CNTFR: variants seen among roughly 807,000 people sequenced by gnomAD.
The protein encoded by CNTFR is ciliary neurotrophic factor receptor subunit alpha.
Under a neutral mutation model 40.4 loss-of-function variants are expected in CNTFR, and 12 were observed. That is an observed-to-expected ratio of 0.30 (90% CI 0.19 to 0.48). The LOEUF (loss-of-function observed/expected upper bound fraction) is 0.48. Ranked by LOEUF, CNTFR falls within the 20% of genes least tolerant of loss-of-function variation. CNTFR has a pLI of 0.99. For synonymous variants in CNTFR, 202 were observed against 209.6 expected, an observed-to-expected ratio of 0.96 and a Z score of 0.31; for missense variants, 414 against 506.8, an observed-to-expected ratio of 0.82 and a Z score of 1.76.
intron 7 of CNTFR, among the ~76,000 whole-genome samples, chr9:34,554,523 C>T (rs1028516237): frequency 1.6e-4 from 25 of 152,168 alleles, no homozygotes; most frequent in African/African-American, 6.0e-4. Context: ...GGCAGGAACT[C>T]CCTAGTCACT....
At chr9:34,553,065 TC>T (rs1181354871) in intron 7 of CNTFR, among the ~76,000 whole-genome samples, 1 of 152,118 alleles carries the variant, frequency 6.6e-6, no homozygotes, top group Non-Finnish European at 1.5e-5. Flanking sequence ...AGGGGAGTTG[TC>T]CCTGAAGGAG....
intron 2 of CNTFR, among the ~76,000 whole-genome samples, chr9:34,573,949 G>C (rs1208250623): frequency 6.6e-6 from 1 of 152,262 alleles, no homozygotes; most frequent in African/African-American, 2.4e-5. Context: ...CAAGGACATG[G>C]TGGGCAGGGA....
chr9:34,588,522 T>TA (rs1827632538), intron 1 of CNTFR, among the ~76,000 whole-genome samples: 1 of 152,138 alleles, frequency 6.6e-6, no homozygotes, highest in African/African-American at 2.4e-5. Context: ...CAACTAGTGT[T>TA]AGAGACACAC....
chr9:34,551,732 G>A lies in CNTFR; in HGVS notation c.*339C>T. On this transcript the variant is annotated 3_prime_UTR_variant, in exon 10 of 10. Transcript: ENST00000378980. ...GGATAGACAGGAGGCTGGGGCAGGA[G>A]GAGAAATCGGATGTGAGAGGCTCCC... is the stretch of plus-strand genomic sequence containing the variant. 1.9e-6 allele frequency: 1 copy of A among 517,608 alleles called. No individual in the cohort carries two copies. Among genetic ancestry groups the A allele is most frequent in the Non-Finnish European group, 3.5e-6 (1 of 286,056 alleles). The allele number at this position is 517,608 out of a possible 1,614,324, so 32.1% of individuals were successfully genotyped here. A position where few individuals can be genotyped will look rare whatever the true frequency, so the allele number is the denominator to read the frequency against.
rs1424275980 is a variant in CNTFR at position 34,589,463 on chromosome 9, T to G, written c.-112+92A>C. On this transcript the variant is annotated intron_variant, in intron 1 of 9. Coordinates refer to ENST00000378980, the MANE Select transcript of CNTFR (RefSeq NM_147164.3). This position sits in a 1 kb window ranked among gnomAD's most constrained non-coding sequence, Gnocchi z 4.4. The stretch of plus-strand genomic sequence containing the variant: ...CGTCCGTGGGCCCACGGGTGTCCCC[T>G]CACTCTTCCCGCACGCATGAGGGCC... 3.3e-5 allele frequency: 5 copies of G among 150,474 alleles called. No individual in the cohort carries two copies. The highest frequency in any genetic ancestry group is 1.2e-4 in the African/African-American group (5 of 40,794). The allele number at this position is 150,474 out of a possible 1,614,324, so 9.3% of individuals were successfully genotyped here.
At chr9:34,572,717 T>C (rs1040234671) in intron 2 of CNTFR, among the ~76,000 whole-genome samples, 4 of 152,112 alleles carry the variant, frequency 2.6e-5, no homozygotes, top group Admixed American at 2.0e-4. Context: ...ACAACACCCA[T>C]TGAAAATGAC....
chr9:34,559,172 G>A (rs1030064013), intron 4 of CNTFR, among the ~76,000 whole-genome samples: 1 of 152,186 alleles, frequency 6.6e-6, no homozygotes, highest in Non-Finnish European at 1.5e-5. Context: ...GAAGGGGAGT[G>A]CATGTCTATG....
chr9:34,555,150 G>A (rs1825784091), intron 7 of CNTFR, among the ~76,000 whole-genome samples: 1 of 152,236 alleles, frequency 6.6e-6, no homozygotes, highest in African/African-American at 2.4e-5. Flanking sequence ...GCGGGGGAGG[G>A]GGGCTTGTGA....
intron 2 of CNTFR, among the ~76,000 whole-genome samples, chr9:34,578,804 G>T (rs183181001): frequency 1.3e-5 from 2 of 152,198 alleles, no homozygotes; most frequent in African/African-American, 4.8e-5. Flanking sequence ...TTCCAGTGCT[G>T]GGAATTTGGG....
Position 34,564,725 on chromosome 9 carries a change from C to G in CNTFR, c.193G>C (p.Ala65Pro). The G allele has an allele frequency of 6.2e-7, 1 of 1,614,084 alleles. No individual in the cohort carries two copies. Among genetic ancestry groups the G allele is most frequent in the Middle Eastern group, 1.7e-4 (1 of 6,058 alleles). ...VTWRVNGTDL[A>P]PDLLNGSQLV... ...TGAGAGCCGTTGAGCAGGTCAGGGG[C>G]CAGGTCTGTCCCATTTACCCGCCAC... The change falls in exon 4 of 10, where the codon GCC (alanine) becomes CCC (proline). Residue 65 changes from alanine to proline, a missense_variant. Physicochemically the swap from Ala to Pro is conservative, Grantham distance 27. Coordinates refer to ENST00000378980, the MANE Select transcript of CNTFR (RefSeq NM_147164.3).
At chr9:34,583,201 C>T (rs1235128715) in intron 1 of CNTFR, among the ~76,000 whole-genome samples, 1 of 152,148 alleles carries the variant, frequency 6.6e-6, no homozygotes, top group Non-Finnish European at 1.5e-5. Flanking sequence ...TGGAGGAGGC[C>T]ATACTCCCAA....
intron 1 of CNTFR, chr9:34,582,974 T>G (rs1172901345): frequency 6.6e-6 from 1 of 152,250 alleles, no homozygotes; most frequent in Admixed American, 6.5e-5. Context: ...GTGCGTATTG[T>G]GGGGGGAGCA....
At chr9:34,582,276 C>CAAAAAAAAAAAAAAAAAAAAAAAAA (rs10601840) in intron 1 of CNTFR, 1 of 126,538 alleles carries the variant, frequency 7.9e-6, no homozygotes, top group African/African-American at 3.1e-5. Flanking sequence ...AACCCTATGG[C>CAAAAAAAAAAAAAAAAAAAAAAAAA]AAAAAAAAAA....
intron 7 of CNTFR, among the ~76,000 whole-genome samples, chr9:34,553,395 C>G (rs1473846212): frequency 6.6e-6 from 1 of 152,170 alleles, no homozygotes; most frequent in Non-Finnish European, 1.5e-5. Context: ...CCTTGCCATC[C>G]TCATCTGTAA....
chr9:34,561,492 G>A (rs1048530769), intron 4 of CNTFR, among the ~76,000 whole-genome samples: 6 of 152,228 alleles, frequency 3.9e-5, no homozygotes, highest in South Asian at 4.1e-4. Flanking sequence ...GGGTCCTTCC[G>A]TCATCCTAGG....
At chr9:34,575,349 T>C (rs76094749) in intron 2 of CNTFR, among the ~76,000 whole-genome samples, 6,251 of 152,148 alleles carry the variant, frequency 0.041, 209 homozygotes, top group South Asian at 0.064. Flanking sequence ...CAGAACGCTG[T>C]AGCACATTAG....
chr9:34,574,190 C>A (rs1472114918), intron 2 of CNTFR, among the ~76,000 whole-genome samples: 1 of 152,100 alleles, frequency 6.6e-6, no homozygotes, highest in Non-Finnish European at 1.5e-5. Context: ...GCTGGCCCGG[C>A]AGGCCCCTCA....
chr9:34,571,993 C>T (rs1289970015), intron 2 of CNTFR, among the ~76,000 whole-genome samples: 1 of 152,018 alleles, frequency 6.6e-6, no homozygotes, highest in Non-Finnish European at 1.5e-5. Flanking sequence ...TCTCTGCCCA[C>T]CCTAGAGCAT....
chr9:34,578,271 ACGAGCAAG>A (rs1303912046), intron 2 of CNTFR, among the ~76,000 whole-genome samples: 3 of 152,202 alleles, frequency 2.0e-5, no homozygotes, highest in Non-Finnish European at 4.4e-5. Context: ...CTGCAAGCGA[ACGAGCAAG>A]CGAGCAAGCG....
Sources: allele counts gnomAD v4.1 joint callset (sites outside exome capture counted in the v4.1 genomes callset), GRCh38; gene constraint gnomAD v4.1.1; non-coding constraint Gnocchi (gnomAD v3.1); transcripts MANE v1.5; gene names NCBI Gene and HGNC (gene_info 2026-07-23, HGNC 2026-07-21).